Variants in ACOXL observed in about 807,000 individuals in gnomAD.
The protein encoded by ACOXL is acyl-CoA oxidase like.
A neutral mutation model predicts 71.9 loss-of-function variants in ACOXL; 70 were observed. That is an observed-to-expected ratio of 0.97 (90% confidence interval 0.80 to 1.19). ACOXL has a LOEUF of 1.19. Ranked by LOEUF, ACOXL falls within the 50% of genes most tolerant of loss-of-function variation. The pLI is 0.00. For synonymous variants in ACOXL, 253 were observed against 281.6 expected, an observed-to-expected ratio of 0.90 and a Z score of 1.02; for missense variants, 703 against 736.3, an observed-to-expected ratio of 0.95 and a Z score of 0.52.
chr2:110,836,361 CTG>C (rs1690464375), intron 9 of ACOXL, among the ~76,000 whole-genome samples: 1 of 152,144 alleles, frequency 6.6e-6, no homozygotes, highest in African/African-American at 2.4e-5. Flanking sequence ...GAGTGGTATT[CTG>C]TGTGTCCATG....
intron 12 of ACOXL, among the ~76,000 whole-genome samples, chr2:110,942,564 A>G (rs2060904223): frequency 6.6e-6 from 1 of 152,122 alleles, no homozygotes; most frequent in African/African-American, 2.4e-5. Flanking sequence ...TGAGGTGGCT[A>G]CTTTGGTTAT....
In ACOXL at chr2:110,886,273, G is replaced by A. The variant is rs79938808; in HGVS notation, c.789-22516G>A. 8.4e-3 allele frequency among the ~76,000 whole-genome samples: 1,270 copies of A among 151,896 alleles called. 14 individuals are homozygous for A. The highest frequency in any genetic ancestry group is 0.02 in the Middle Eastern group (6 of 294). On this transcript the variant is annotated intron_variant, in intron 10 of 17. Transcript: ENST00000439055. The stretch of plus-strand genomic sequence containing the variant: ...TTATTTTAATGTTAAAAACTAGTTT[G>A]GCATTTTTAACCATGGGTCGGCCAC...
chr2:110,979,749 CTG>C (rs937075986), intron 12 of ACOXL, among the ~76,000 whole-genome samples: 1 of 152,174 alleles, frequency 6.6e-6, no homozygotes, highest in African/African-American at 2.4e-5. Context: ...ACCTTAATAA[CTG>C]TAGCACACCC....
intron 9 of ACOXL, among the ~76,000 whole-genome samples, chr2:110,821,300 A>G (rs1389502573): frequency 6.6e-6 from 1 of 151,734 alleles, no homozygotes; most frequent in Non-Finnish European, 1.5e-5. Flanking sequence ...TTTTTAACAT[A>G]TTTCTGCTAG....
intron 7 of ACOXL, 144 bp downstream of exon 7, chr2:110,799,244 C>G: frequency 1.4e-6 from 1 of 733,716 alleles, no homozygotes; most frequent in Non-Finnish European, 2.4e-6. Context: ...ATTTTGAAGC[C>G]TCATGAAGTC....
At chr2:110,845,810 G>T (rs1460494436) in intron 10 of ACOXL, among the ~76,000 whole-genome samples, 1 of 152,104 alleles carries the variant, frequency 6.6e-6, no homozygotes, top group African/African-American at 2.4e-5. Flanking sequence ...TATAGGCCAC[G>T]TTCTGTTTCT....
At chr2:110,776,547 A>G in intron 2 of ACOXL, among the ~76,000 whole-genome samples, 1 of 152,050 alleles carries the variant, frequency 6.6e-6, no homozygotes, top group Non-Finnish European at 1.5e-5. Flanking sequence ...GGGGAGCGAG[A>G]CAGCTGGAGG....
chr2:110,968,343 C>T, intron 12 of ACOXL: 1 of 1,154,174 alleles, frequency 8.7e-7, no homozygotes, highest in Non-Finnish European at 1.3e-6. Flanking sequence ...TGGCTGGAGG[C>T]TCATCTGTCT....
chr2:110,907,687 C>T (rs956327531), intron 10 of ACOXL, among the ~76,000 whole-genome samples: 14 of 152,160 alleles, frequency 9.2e-5, no homozygotes, highest in Non-Finnish European at 1.0e-4. Context: ...TGCACGCGGC[C>T]TTCCTTGTGT....
chr2:110,914,557 C>A (rs75890037), intron 11 of ACOXL, among the ~76,000 whole-genome samples: 12,501 of 152,194 alleles, frequency 0.082, 1,162 homozygotes, highest in African/African-American at 0.23. Flanking sequence ...ACTTATTAGT[C>A]ATTTATTTGT....
intron 3 of ACOXL, among the ~76,000 whole-genome samples, chr2:110,785,360 A>G (rs1360490587): frequency 7.0e-6 from 1 of 143,598 alleles, no homozygotes; most frequent in African/African-American, 2.6e-5. Context: ...GAGTTTTTAC[A>G]TGCACTCAGT....
At chr2:110,965,601 A>T (rs942616263) in intron 12 of ACOXL, among the ~76,000 whole-genome samples, 3 of 152,232 alleles carry the variant, frequency 2.0e-5, no homozygotes, top group African/African-American at 7.2e-5. Flanking sequence ...TTCGCTGGGC[A>T]CTTGACTGTA....
intron 14 of ACOXL, among the ~76,000 whole-genome samples, chr2:111,013,522 C>CAAAAAAAAAAA: frequency 1.0e-5 from 1 of 95,528 alleles, no homozygotes; most frequent in Non-Finnish European, 2.1e-5. Context: ...GACCCTGTCT[C>CAAAAAAAAAAA]AAAAAAAAAA....
chr2:110,843,299 A>G (rs1447663266), intron 10 of ACOXL, among the ~76,000 whole-genome samples: 5 of 152,118 alleles, frequency 3.3e-5, no homozygotes, highest in Non-Finnish European at 7.4e-5. Context: ...GGATTACAGG[A>G]GTGAGCCACC....
At chr2:110,769,650 T>TAAAACAAAACAAAACAAAAC (rs367968739) in intron 2 of ACOXL, among the ~76,000 whole-genome samples, 206 of 151,488 alleles carry the variant, frequency 1.4e-3, no homozygotes, top group African/African-American at 4.6e-3. Context: ...CTGTTTCTAC[T>TAAAACAAAACAAAACAAAAC]AAAACAAAAC....
Position 111,117,973 on chromosome 2 carries a change from G to A in ACOXL, c.*157G>A. Reference sequence around the variant, plus strand: ...GCGGAGGTCCCGCCGAGGCTGGCGAGGTGCGCGGCTGGCTGCTAGGAAAGA... The same window carrying A: ...GCGGAGGTCCCGCCGAGGCTGGCGAAGTGCGCGGCTGGCTGCTAGGAAAGA... On this transcript the variant is annotated 3_prime_UTR_variant, in exon 18 of 18. Transcript: ENST00000439055. The A allele has an allele frequency of 1.2e-6, 1 of 864,614 alleles. No homozygotes were observed. The highest frequency in any genetic ancestry group is 2.9e-5 in the Admixed American group (1 of 34,864). 53.6% of individuals were successfully genotyped at this position (864,614 alleles called of 1,614,324 possible).
At chr2:110,881,192 CACAT>C (rs1171730345) in intron 10 of ACOXL, among the ~76,000 whole-genome samples, 1 of 151,198 alleles carries the variant, frequency 6.6e-6, no homozygotes, top group Non-Finnish European at 1.5e-5. Context: ...TATTACATAT[CACAT>C]ACATATCATA....
At position 110,755,869 on chromosome 2, in the gene ACOXL, T is replaced by C. The variant is rs183549726; in HGVS notation, c.-22-12499T>C. On this transcript the variant is annotated intron_variant, in intron 1 of 17. Transcript: ENST00000439055. ...ACCTCCACCCCACATACCCAAAAGGTAAAAACTGTTAGTTTCTAGTGTGTC... is the reference window on the plus strand; with the variant it reads ...ACCTCCACCCCACATACCCAAAAGGCAAAAACTGTTAGTTTCTAGTGTGTC... Among the ~76,000 whole-genome samples the C allele has an allele frequency of 2.0e-5, 3 of 152,254 alleles. No individual in the cohort carries two copies. The East Asian group carries it at 5.8e-4, about 29-fold the overall frequency.
chr2:110,758,476 T>C (rs1488995265), intron 1 of ACOXL, among the ~76,000 whole-genome samples: 1 of 152,192 alleles, frequency 6.6e-6, no homozygotes, highest in Non-Finnish European at 1.5e-5. Context: ...TATACATTAT[T>C]TGGGGCAGTA....
Sources: allele counts gnomAD v4.1 joint callset (sites outside exome capture counted in the v4.1 genomes callset), GRCh38; gene constraint gnomAD v4.1.1; transcripts MANE v1.5; gene names NCBI Gene and HGNC (gene_info 2026-07-23, HGNC 2026-07-21).